Variants in PCDHGA1 observed in about 807,000 individuals in gnomAD.
PCDHGA1 encodes protocadherin gamma-A1.
PCDHGA1 carries 32 observed loss-of-function variants against 58.0 expected under a neutral mutation model. The ratio of observed to expected loss-of-function variants is 0.55; its 90% CI spans 0.42 to 0.74. The LOEUF (loss-of-function observed/expected upper bound fraction) is 0.74. Ranked by LOEUF, PCDHGA1 falls within the 30% of genes least tolerant of loss-of-function variation. PCDHGA1 has a pLI of 0.00. For missense variants in PCDHGA1, 1,205 were observed against 1,182.3 expected, an observed-to-expected ratio of 1.02 and a Z score of -0.28; for synonymous variants, 498 against 501.1, an observed-to-expected ratio of 0.99 and a Z score of 0.08.
intron 2 of PCDHGA1, among the ~76,000 whole-genome samples, chr5:141,501,026 G>A (rs1053442173): frequency 7.9e-5 from 12 of 151,608 alleles, no homozygotes; most frequent in Non-Finnish European, 1.5e-4. Flanking sequence ...GCGCCACCAC[G>A]CCCAGCTAAT....
At chr5:141,360,913 T>G in intron 1 of PCDHGA1, 1 of 1,614,030 alleles carries the variant, frequency 6.2e-7, no homozygotes, top group Non-Finnish European at 8.5e-7. Flanking sequence ...GCCGGGCTTC[T>G]TTGTGCTTCA....
At chr5:141,416,287 T>A (rs2096012467) in intron 1 of PCDHGA1, 1 of 152,276 alleles carries the variant, frequency 6.6e-6, no homozygotes, top group Admixed American at 6.5e-5. Flanking sequence ...ATTCTCTAAT[T>A]TCACACTGCT....
At position 141,491,456 on chromosome 5, in the gene PCDHGA1, C is replaced by G; in HGVS notation, c.2422-3351C>G. On this transcript the variant is annotated intron_variant, in intron 1 of 3. Transcript: ENST00000517417. The surrounding 1 kb of genome is among the most constrained non-coding windows in gnomAD (Gnocchi z 6.9). Reference sequence around the variant, plus strand: ...TGCAGGCGCCAGGACTCACCCTCCCCGGACTTCTATAAGCAGTCCAGCCCC... The same window carrying G: ...TGCAGGCGCCAGGACTCACCCTCCCGGGACTTCTATAAGCAGTCCAGCCCC... 1 of 1,614,104 alleles carries G rather than the reference C, an allele frequency of 6.2e-7. No homozygotes were observed. The highest frequency in any genetic ancestry group is 8.5e-7 in the Non-Finnish European group (1 of 1,180,010).
intron 1 of PCDHGA1, among the ~76,000 whole-genome samples, chr5:141,492,080 G>A (rs576661909): frequency 6.6e-6 from 1 of 152,352 alleles, no homozygotes; most frequent in African/African-American, 2.4e-5. Context: ...GCCGGCTCCG[G>A]CACGCTTCGC....
intron 1 of PCDHGA1, chr5:141,405,569 A>G: frequency 1.7e-6 from 1 of 604,184 alleles, no homozygotes. Context: ...GGACTAGAGT[A>G]GAGTAGCTGG....
chr5:141,508,824 G>A (rs893436748), intron 3 of PCDHGA1, among the ~76,000 whole-genome samples: 9 of 151,952 alleles, frequency 5.9e-5, no homozygotes, highest in Admixed American at 3.3e-4. Flanking sequence ...CCAGATCTGG[G>A]CCCCCCTCCC....
chr5:141,393,497 C>T (rs375522990), intron 1 of PCDHGA1: 705 of 1,613,952 alleles, frequency 4.4e-4, no homozygotes, highest in Non-Finnish European at 5.6e-4. Flanking sequence ...CAGTGCGCAT[C>T]CACGTGACAG....
intron 1 of PCDHGA1, among the ~76,000 whole-genome samples, chr5:141,380,518 T>C (rs1166161347): frequency 1.3e-5 from 2 of 152,254 alleles, no homozygotes; most frequent in African/African-American, 2.4e-5. Context: ...CTTTAAACTA[T>C]GAAATGATTT....
Position 141,432,623 on chromosome 5 carries a change from C to T in PCDHGA1, c.2422-62184C>T, listed in dbSNP as rs1047752183. Reference sequence around the variant, plus strand: ...GCCGGGACTCTTCTCGGTGGGTCTGCACACGGGCGAGGTGCGCACGGCGCG... The same window carrying T: ...GCCGGGACTCTTCTCGGTGGGTCTGTACACGGGCGAGGTGCGCACGGCGCG... On this transcript the variant is annotated intron_variant, in intron 1 of 3. Coordinates refer to ENST00000517417, the MANE Select transcript of PCDHGA1 (RefSeq NM_018912.3). The surrounding 1 kb of genome is among the most constrained non-coding windows in gnomAD (Gnocchi z 6.0). The T allele has an allele frequency of 1.2e-6, 2 of 1,613,196 alleles. No homozygotes were observed. The highest frequency in any genetic ancestry group is 2.2e-5 in the East Asian group (1 of 44,792).
At chr5:141,399,254 G>A (rs2093775351) in intron 1 of PCDHGA1, 1 of 1,613,806 alleles carries the variant, frequency 6.2e-7, no homozygotes, top group East Asian at 2.2e-5. Context: ...GGGGAAAATG[G>A]GGAGGTTAAT....
chr5:141,364,154 G>T (rs1052849617), intron 1 of PCDHGA1: 10 of 590,840 alleles, frequency 1.7e-5, no homozygotes, highest in Admixed American at 3.8e-5. Flanking sequence ...AGAAGCTGCC[G>T]CAGAGGCGAC....
In PCDHGA1 at chr5:141,420,274, GGTAA is replaced by G. The variant is rs1362175190; in HGVS notation, c.2422-74529_2422-74526del. 5.9e-6 allele frequency: 9 copies of G among 1,525,426 alleles called. 1 individual carries two copies. The highest frequency in any genetic ancestry group is 2.1e-5 in the Admixed American group (1 of 48,284). 94.5% of individuals were successfully genotyped at this position (1,525,426 alleles called of 1,614,324 possible). On this transcript the variant is annotated intron_variant, in intron 1 of 3. Coordinates refer to ENST00000517417, the MANE Select transcript of PCDHGA1 (RefSeq NM_018912.3). ...AAGCAGATAAGAAGATTCTTAAACAGGTAAGTATTTAAAAATGTATTTAATCCTT... is the reference window on the plus strand; with the variant it reads ...AAGCAGATAAGAAGATTCTTAAACAGGTATTTAAAAATGTATTTAATCCTT...
At chr5:141,375,794 G>A (rs754100940) in intron 1 of PCDHGA1, 1 of 1,614,170 alleles carries the variant, frequency 6.2e-7, no homozygotes, top group East Asian at 2.2e-5. Context: ...CCCCACAGAC[G>A]GTTCCACTGG....
intron 1 of PCDHGA1, chr5:141,384,223 G>A (rs1779858487): frequency 6.2e-7 from 1 of 1,613,742 alleles, no homozygotes; most frequent in African/African-American, 1.3e-5. Context: ...ATTCATGCAG[G>A]TGGCAGACAC....
chr5:141,394,818 C>T lies in PCDHGA1; in HGVS notation c.2421+61713C>T, dbSNP rs2093105005. On this transcript the variant is annotated intron_variant, in intron 1 of 3. Coordinates refer to ENST00000517417, the MANE Select transcript of PCDHGA1 (RefSeq NM_018912.3). Reference sequence around the variant, plus strand: ...CACCGTAGCCGTGGCTGACAGCATCCCCGAAGTCCTGACCGAGTTGGGCAG... The same window carrying T: ...CACCGTAGCCGTGGCTGACAGCATCTCCGAAGTCCTGACCGAGTTGGGCAG... The T allele has an allele frequency of 5.6e-6, 9 of 1,613,904 alleles. No individual in the cohort carries two copies. Among genetic ancestry groups the T allele is most frequent in the Non-Finnish European group, 7.6e-6 (9 of 1,180,012 alleles).
chr5:141,459,529 G>A (rs1201996126), intron 1 of PCDHGA1, among the ~76,000 whole-genome samples: 2 of 152,134 alleles, frequency 1.3e-5, no homozygotes, highest in African/African-American at 2.4e-5. Context: ...ATTTTTGTAG[G>A]CATATTTTTT....
At chr5:141,430,767 C>T in intron 1 of PCDHGA1, 1 of 1,506,782 alleles carries the variant, frequency 6.6e-7, no homozygotes, top group Non-Finnish European at 8.9e-7. Flanking sequence ...AGAATGATTC[C>T]TGCGCGACTG....
In PCDHGA1 at chr5:141,485,368, G is replaced by T. The variant is rs2154580406; in HGVS notation, c.2422-9439G>T. On this transcript the variant is annotated intron_variant, in intron 1 of 3. Coordinates refer to ENST00000517417, the MANE Select transcript of PCDHGA1 (RefSeq NM_018912.3). This position sits in a 1 kb window ranked among gnomAD's most constrained non-coding sequence, Gnocchi z 5.7. Reference sequence around the variant, plus strand: ...ACAGTCTGTCAGCTCGCAGGCTGCAGGTCGCTGGAGAGGTGAACCAAAGAC... The same window carrying T: ...ACAGTCTGTCAGCTCGCAGGCTGCATGTCGCTGGAGAGGTGAACCAAAGAC... The T allele has an allele frequency of 6.2e-7, 1 of 1,614,144 alleles. No individual in the cohort carries two copies. The highest frequency in any genetic ancestry group is 2.2e-5 in the East Asian group (1 of 44,866).
intron 1 of PCDHGA1, chr5:141,384,327 A>G (rs750339599): frequency 2.7e-5 from 43 of 1,613,860 alleles, no homozygotes; most frequent in Non-Finnish European, 3.1e-5. Flanking sequence ...TAGTGACTGC[A>G]CAGGACCACG....
Sources: gnomAD v4.1 joint callset for allele counts (sites outside exome capture counted in the v4.1 genomes callset) on GRCh38, gnomAD v4.1.1 for gene constraint, Gnocchi (gnomAD v3.1) non-coding constraint, MANE v1.5 for transcripts, NCBI Gene and HGNC (gene_info 2026-07-23, HGNC 2026-07-21) for gene names.